EIF3E: variants seen among roughly 807,000 people sequenced by gnomAD.
The protein encoded by EIF3E is eukaryotic translation initiation factor 3 subunit E, also known as eIF-3 p48.
EIF3E carries 25 observed loss-of-function variants against 59.3 expected under a neutral mutation model. The ratio of observed to expected loss-of-function variants is 0.42; its 90% confidence interval spans 0.31 to 0.59. The LOEUF is 0.59. Among genes scored for constraint, EIF3E ranks in the 20% least tolerant of loss-of-function variants. The pLI is 0.15. For synonymous variants in EIF3E, 176 were observed against 170.2 expected, an observed-to-expected ratio of 1.03 and a Z score of -0.26; for missense variants, 317 against 534.3, an observed-to-expected ratio of 0.59 and a Z score of 4.01.
chr8:108,226,404 A>G (rs1412434485), intron 7 of EIF3E: 2 of 152,092 alleles, frequency 1.3e-5, no homozygotes, highest in African/African-American at 4.8e-5. Flanking sequence ...CACGTTGACC[A>G]TGGCTGGTCT....
rs533746800 is a variant in EIF3E, at chr8:108,224,140, T to C, written c.722+4127A>G. On this transcript the variant is annotated intron_variant, in intron 7 of 12. Transcript: ENST00000220849. The stretch of plus-strand genomic sequence containing the variant: ...GGGAGGCTGAGGCAGGAGAATGGCG[T>C]GAACTCGGGAGGCAGAGCTTGAAGT... Among the ~76,000 whole-genome samples the C allele has an allele frequency of 1.2e-4, 18 of 150,924 alleles. No homozygotes were observed. The South Asian group carries it at 2.7e-3, about 23-fold the overall frequency.
rs186152523 is a variant in EIF3E, at chr8:108,201,750, A to C, written c.*135T>G. 73 of 718,074 alleles carry C rather than the reference A, an allele frequency of 1.0e-4. 1 individual carries two copies. The Admixed American group carries it at 2.6e-3, about 26-fold the overall frequency. The allele number at this position is 718,074 out of a possible 1,614,324, so 44.5% of individuals were successfully genotyped here. A position where few individuals can be genotyped will look rare whatever the true frequency, so the allele number is the denominator to read the frequency against. On this transcript the variant is annotated 3_prime_UTR_variant, in exon 13 of 13. Coordinates refer to ENST00000220849, the MANE Select transcript of EIF3E (RefSeq NM_001568.3). ...AGAAAACTGACAGCAAGATAAAATG[A>C]ATCAATTTTATTCCAATTCTTCAAA...
At position 108,217,474 on chromosome 8, in the gene EIF3E, T is replaced by C; in HGVS notation, c.723-14A>G. The C allele has an allele frequency of 6.3e-7, 1 of 1,576,090 alleles. No individual in the cohort carries two copies. The highest frequency in any genetic ancestry group is 1.2e-5 in the South Asian group (1 of 85,632). ...GCATTAAGATATCTAAGAAAAAATA[T>C]AAAAGTTATTTAATAACTTACCCAG... On this transcript the variant is annotated splice_polypyrimidine_tract_variant and intron_variant, in intron 7 of 12. Coordinates refer to ENST00000220849, the MANE Select transcript of EIF3E (RefSeq NM_001568.3).
At chr8:108,246,502 T>C (rs1244502076) in intron 1 of EIF3E, among the ~76,000 whole-genome samples, 1 of 152,206 alleles carries the variant, frequency 6.6e-6, no homozygotes, top group African/African-American at 2.4e-5. Flanking sequence ...AGGTAAGTTG[T>C]TTAGTGGTGA....
At chr8:108,247,667 C>T (rs1028203990) in intron 1 of EIF3E, among the ~76,000 whole-genome samples, 1 of 152,148 alleles carries the variant, frequency 6.6e-6, no homozygotes, top group Non-Finnish European at 1.5e-5. Flanking sequence ...ATCCACTCCC[C>T]AAATCTAGAG....
chr8:108,203,776 G>C (rs1391479258), intron 10 of EIF3E, among the ~76,000 whole-genome samples: 1 of 151,978 alleles, frequency 6.6e-6, no homozygotes, highest in Non-Finnish European at 1.5e-5. Context: ...TCAGCTTCTA[G>C]AACAGTACTT....
chr8:108,228,322 A>G lies in EIF3E; in HGVS notation c.667T>C (p.Phe223Leu). ...TTATCGCGACCTTTGGGGTGATTGA[A>G]GAAAACAAACAGAGACCAGTGAATG... is the stretch of plus-strand genomic sequence containing the variant. ...WLIHWSLFVF[F>L]NHPKGRDNII... Residue 223 changes from phenylalanine to leucine, a missense_variant, in exon 7 of 13, where the codon TTC becomes CTC. By Grantham distance (22) the Phe-to-Leu change is conservative. This residue lies in a region of EIF3E where 242 missense variants were observed against 398.0 expected (regional missense o/e 0.61). Transcript: ENST00000220849. 14 of 1,609,440 alleles carry G rather than the reference A, an allele frequency of 8.7e-6. No individual in the cohort carries two copies. Among genetic ancestry groups the G allele is most frequent in the Non-Finnish European group, 1.2e-5 (14 of 1,177,604 alleles).
At chr8:108,209,595 C>G (rs575612841) in intron 10 of EIF3E, among the ~76,000 whole-genome samples, 1 of 152,072 alleles carries the variant, frequency 6.6e-6, no homozygotes, top group Non-Finnish European at 1.5e-5. Context: ...CTTTCTACCC[C>G]GTGTTTGGCC....
intron 5 of EIF3E, 67 bp downstream of exon 5, chr8:108,234,931 T>C (rs781680548): frequency 8.6e-5 from 91 of 1,061,584 alleles, no homozygotes; most frequent in East Asian, 4.5e-4. Context: ...TATACATGTT[T>C]TGAAGAACCA....
chr8:108,228,398 G>A lies in EIF3E; in HGVS notation c.598-7C>T. The A allele has an allele frequency of 1.3e-6, 2 of 1,496,122 alleles. No homozygotes were observed. The highest frequency in any genetic ancestry group is 8.9e-7 in the Non-Finnish European group (1 of 1,124,856). The allele number at this position is 1,496,122 out of a possible 1,614,324, so 92.7% of individuals were successfully genotyped here. A position where few individuals can be genotyped will look rare whatever the true frequency, so the allele number is the denominator to read the frequency against. ...GAAGTGGAGAACTCACAGACTAAAG[G>A]ATTTAAAAATATATACATAAAAAAT... On this transcript the variant is annotated splice_region_variant and splice_polypyrimidine_tract_variant and intron_variant, in intron 6 of 12. Coordinates refer to ENST00000220849, the MANE Select transcript of EIF3E (RefSeq NM_001568.3).
chr8:108,203,344 T>C lies in EIF3E; in HGVS notation c.1164+57A>G. 2.0e-6 allele frequency: 3 copies of C among 1,492,132 alleles called. No individual in the cohort carries two copies. In the South Asian group the frequency reaches 3.6e-5, roughly 18 times the overall value. The allele number at this position is 1,492,132 out of a possible 1,614,324, so 92.4% of individuals were successfully genotyped here. A position where few individuals can be genotyped will look rare whatever the true frequency, so the allele number is the denominator to read the frequency against. ...GGTAATAAAATGTCCTAGTTAAGAA[T>C]TCCCAAAAGTATAATCAGGAACTGA... is the stretch of plus-strand genomic sequence containing the variant. On this transcript the variant is annotated intron_variant, in intron 11 of 12. Coordinates refer to ENST00000220849, the MANE Select transcript of EIF3E (RefSeq NM_001568.3).
At chr8:108,241,515 C>T (rs2129924524) in intron 2 of EIF3E, among the ~76,000 whole-genome samples, 1 of 152,064 alleles carries the variant, frequency 6.6e-6, no homozygotes, top group African/African-American at 2.4e-5. Flanking sequence ...GCAACATTCT[C>T]AGATAATTCT....
intron 10 of EIF3E, among the ~76,000 whole-genome samples, chr8:108,213,610 T>C (rs557613672): frequency 1.3e-5 from 2 of 152,230 alleles, no homozygotes; most frequent in Admixed American, 6.5e-5. Context: ...CAAAGAACAA[T>C]GCAAGAATTC....
chr8:108,237,043 A>T (rs1815746403), intron 3 of EIF3E, among the ~76,000 whole-genome samples: 1 of 152,078 alleles, frequency 6.6e-6, no homozygotes, highest in African/African-American at 2.4e-5. Context: ...ATAAATAAAA[A>T]TTTAAAAATC....
At chr8:108,228,195 A>AT in intron 7 of EIF3E, 72 bp downstream of exon 7, 2 of 1,402,842 alleles carry the variant, frequency 1.4e-6, no homozygotes, top group Non-Finnish European at 1.9e-6. Flanking sequence ...AGAAAAAAGT[A>AT]TATTTTAAGT....
At position 108,240,083 on chromosome 8, in the gene EIF3E, A is replaced by G. The variant is rs1462034451; in HGVS notation, c.206-8T>C. 6.2e-7 allele frequency: 1 copy of G among 1,601,974 alleles called. No individual in the cohort carries two copies. The highest frequency in any genetic ancestry group is 8.6e-7 in the Non-Finnish European group (1 of 1,168,962). On this transcript the variant is annotated splice_region_variant and splice_polypyrimidine_tract_variant and intron_variant, in intron 2 of 12. Coordinates refer to ENST00000220849, the MANE Select transcript of EIF3E (RefSeq NM_001568.3). ...TTCTTTTCTCTCTCAAAGCTAATTA[A>G]AAATGCAGAAGAGCACTACAATGTT...
At chr8:108,248,213 A>T (rs572099819) in intron 1 of EIF3E, among the ~76,000 whole-genome samples, 1 of 152,358 alleles carries the variant, frequency 6.6e-6, no homozygotes, top group African/African-American at 2.4e-5. Context: ...AGCCAAGCCC[A>T]GGCTTCCCAC....
Position 108,229,197 on chromosome 8 carries a change from T to G in EIF3E, c.472-2A>C. ...AGCATTTCTATCTGTTGCTGGAACCTGTTTAAGAAATCATAATTAATTATA... is the reference window on the plus strand; with the variant it reads ...AGCATTTCTATCTGTTGCTGGAACCGGTTTAAGAAATCATAATTAATTATA... On this transcript the variant is annotated splice_acceptor_variant, in intron 5 of 12. Coordinates refer to ENST00000220849, the MANE Select transcript of EIF3E (RefSeq NM_001568.3). LOFTEE classifies it high-confidence loss of function. 6.2e-7 allele frequency: 1 copy of G among 1,611,024 alleles called. No homozygotes were observed. The highest frequency in any genetic ancestry group is 8.5e-7 in the Non-Finnish European group (1 of 1,178,868).
chr8:108,203,221 T>G (rs1815028503), intron 11 of EIF3E, 104 bp from the exon 12 acceptor site: 1 of 898,766 alleles, frequency 1.1e-6, no homozygotes, highest in Admixed American at 3.1e-5. Flanking sequence ...ATGCACTGTA[T>G]AGAGATGACA....
Sources: allele counts gnomAD v4.1 joint callset (sites outside exome capture counted in the v4.1 genomes callset), GRCh38; gene constraint gnomAD v4.1.1; regional missense constraint gnomAD v4.1.1; transcripts MANE v1.5; gene names NCBI Gene and HGNC (gene_info 2026-07-23, HGNC 2026-07-21).